Variants in CSGALNACT1 observed in about 807,000 individuals in gnomAD.
CSGALNACT1 encodes the protein chondroitin sulfate N-acetylgalactosaminyltransferase 1.
A neutral mutation model predicts 51.0 loss-of-function variants in CSGALNACT1; 52 were observed. The observed-to-expected ratio is 1.02, with a 90% confidence interval of 0.82 to 1.29. CSGALNACT1 has a LOEUF of 1.29. Among genes scored for constraint, CSGALNACT1 ranks in the 50% most tolerant of loss-of-function variants. The pLI is 0.00. For synonymous variants in CSGALNACT1, 341 were observed against 254.4 expected (o/e 1.34, Z -3.24); for missense variants, 935 against 679.2 (o/e 1.38, Z -4.19).
chr8:19,642,308 T>C (rs1220050112), intron 1 of CSGALNACT1, among the ~76,000 whole-genome samples: 1 of 152,224 alleles, frequency 6.6e-6, no homozygotes, highest in Non-Finnish European at 1.5e-5. Context: ...GACTAAGTTC[T>C]AGAAAATAAT....
At chr8:19,420,319 T>A (rs772841077) in intron 7 of CSGALNACT1, 21 bp downstream of exon 6, 1 of 1,613,556 alleles carries the variant, frequency 6.2e-7, no homozygotes, top group Admixed American at 1.7e-5. Flanking sequence ...CACCTGAGCG[T>A]GACAGAGAGA....
intron 1 of CSGALNACT1, among the ~76,000 whole-genome samples, chr8:19,697,570 C>G: frequency 6.6e-6 from 1 of 152,160 alleles, no homozygotes; most frequent in East Asian, 1.9e-4. Context: ...CTGGAAAAAT[C>G]TAGAGACTGG....
At chr8:19,741,648 A>G (rs974811686) in intron 1 of CSGALNACT1, among the ~76,000 whole-genome samples, 4 of 151,768 alleles carry the variant, frequency 2.6e-5, no homozygotes, top group Non-Finnish European at 4.4e-5. Flanking sequence ...CCAAGGCTCC[A>G]TGAACTATAG....
chr8:19,479,761 AGAAAAAAAAAAAAAAAAAGATT>A (rs2070818339), intron 4 of CSGALNACT1, among the ~76,000 whole-genome samples: 1 of 143,882 alleles, frequency 7.0e-6, no homozygotes. Flanking sequence ...TTCTTGACTT[AGAAAAAAAAAAAAAAAAAGATT>A]CCTCTCCGTA....
chr8:19,612,548 A>C (rs1284225474), intron 1 of CSGALNACT1, among the ~76,000 whole-genome samples: 1 of 151,956 alleles, frequency 6.6e-6, no homozygotes, highest in African/African-American at 2.4e-5. Context: ...GCAACCAGTG[A>C]CTTCCCTGTT....
At chr8:19,668,665 C>T (rs111716216) in intron 1 of CSGALNACT1, among the ~76,000 whole-genome samples, 27,283 of 152,104 alleles carry the variant, frequency 0.18, 2,632 homozygotes, top group Middle Eastern at 0.27. Flanking sequence ...AGCAATTCTC[C>T]TGCCTCAGCC....
intron 1 of CSGALNACT1, among the ~76,000 whole-genome samples, chr8:19,652,714 C>T (rs1189473383): frequency 6.6e-6 from 1 of 152,210 alleles, no homozygotes; most frequent in African/African-American, 2.4e-5. Flanking sequence ...TGCTGTTCCA[C>T]TTAAAATCCC....
intron 2 of CSGALNACT1, among the ~76,000 whole-genome samples, chr8:19,599,639 G>A (rs1369617131): frequency 1.3e-5 from 2 of 152,162 alleles, no homozygotes; most frequent in South Asian, 2.1e-4. Flanking sequence ...GTCCAAAGCT[G>A]ATTAAGGTCT....
intron 6 of CSGALNACT1, among the ~76,000 whole-genome samples, chr8:19,432,888 C>A (rs1016564264): frequency 1.3e-5 from 2 of 151,976 alleles, no homozygotes; most frequent in African/African-American, 4.8e-5. Flanking sequence ...CTTAATACAA[C>A]TGATTAAAAA....
intron 3 of CSGALNACT1, among the ~76,000 whole-genome samples, chr8:19,587,095 C>T (rs780876438): frequency 6.6e-6 from 1 of 152,186 alleles, no homozygotes; most frequent in South Asian, 2.1e-4. Context: ...TGACTGCACA[C>T]GGCTGCACAG....
intron 1 of CSGALNACT1, among the ~76,000 whole-genome samples, chr8:19,640,847 G>A (rs1407030247): frequency 2.0e-5 from 3 of 151,916 alleles, no homozygotes; most frequent in Non-Finnish European, 4.4e-5. Context: ...ATTTCAGAAA[G>A]TAGAATTATG....
At position 19,475,614 on chromosome 8, in the gene CSGALNACT1, A is replaced by G. The variant is rs148409544; in HGVS notation, c.635-16972T>C. Reference sequence around the variant, plus strand: ...CTGATCACCAAGGGAAGATAATGACACACAACGAGTAAGTAAAAAGTGGTT... The same window carrying G: ...CTGATCACCAAGGGAAGATAATGACGCACAACGAGTAAGTAAAAAGTGGTT... On this transcript the variant is annotated intron_variant, in intron 4 of 9. Transcript: ENST00000454498. 2.4e-3 allele frequency among the ~76,000 whole-genome samples: 365 copies of G among 152,298 alleles called. 4 individuals are homozygous for G. Among genetic ancestry groups the G allele is most frequent in the African/African-American group, 8.0e-3 (333 of 41,550 alleles).
rs139039666 is a variant in CSGALNACT1, at chr8:19,667,629, C to T, written c.-544+14844G>A. Among the ~76,000 whole-genome samples, 505 of 152,202 alleles carry T rather than the reference C, an allele frequency of 3.3e-3. 6 individuals are homozygous for T. Among genetic ancestry groups the T allele is most frequent in the African/African-American group, 0.012 (481 of 41,518 alleles). ...CCCTTAATGCAACATGACCACAAAA[C>T]GGCAGTAAGGAGAAGGTACTTGAAA... On this transcript the variant is annotated intron_variant, in intron 1 of 9. Transcript: ENST00000332246.
chr8:19,466,301 C>T (rs572249058), intron 4 of CSGALNACT1, among the ~76,000 whole-genome samples: 1 of 152,244 alleles, frequency 6.6e-6, no homozygotes, highest in Non-Finnish European at 1.5e-5. Flanking sequence ...TGTCTGAAAT[C>T]ATTTAATATA....
At chr8:19,643,789 G>A (rs949307741) in intron 1 of CSGALNACT1, among the ~76,000 whole-genome samples, 1 of 152,216 alleles carries the variant, frequency 6.6e-6, no homozygotes, top group Non-Finnish European at 1.5e-5. Flanking sequence ...AGCACACAAT[G>A]CCTGTTGGAG....
At chr8:19,494,322 T>A (rs4319111) in intron 4 of CSGALNACT1, among the ~76,000 whole-genome samples, 2 of 151,982 alleles carry the variant, frequency 1.3e-5, no homozygotes, top group Non-Finnish European at 1.5e-5. Flanking sequence ...CACACACATC[T>A]TTGGCCTACA....
chr8:19,705,279 A>G (rs554755773), intron 1 of CSGALNACT1, among the ~76,000 whole-genome samples: 52 of 152,356 alleles, frequency 3.4e-4, no homozygotes, highest in African/African-American at 1.2e-3. Flanking sequence ...AAGGGTAGCT[A>G]TTTATGCAAA....
At chr8:19,548,542 G>A (rs1376532532) in intron 3 of CSGALNACT1, among the ~76,000 whole-genome samples, 1 of 152,016 alleles carries the variant, frequency 6.6e-6, no homozygotes, top group African/African-American at 2.4e-5. Flanking sequence ...AAAACTCACT[G>A]CTGTTAGTTT....
intron 4 of CSGALNACT1, among the ~76,000 whole-genome samples, chr8:19,458,907 T>C (rs552241400): frequency 6.6e-6 from 1 of 152,306 alleles, no homozygotes; most frequent in Admixed American, 6.5e-5. Context: ...ATTCATAGGA[T>C]ACAGAGGCAT....
Sources: gnomAD v4.1 joint callset for allele counts (sites outside exome capture counted in the v4.1 genomes callset) on GRCh38, gnomAD v4.1.1 for gene constraint, MANE v1.5 for transcripts, NCBI Gene and HGNC (gene_info 2026-07-23, HGNC 2026-07-21) for gene names.